MAP3K20: variants seen among roughly 807,000 people sequenced by gnomAD.
The protein encoded by MAP3K20 is mitogen-activated protein kinase kinase kinase 20, also known as HCCS-4.
Under a neutral mutation model 85.7 loss-of-function variants are expected in MAP3K20, and 40 were observed. The ratio of observed to expected loss-of-function variants is 0.47; its 90% CI spans 0.36 to 0.61. MAP3K20 has a LOEUF of 0.61. Ranked by LOEUF, MAP3K20 falls within the 20% of genes least tolerant of loss-of-function variation. The pLI is 0.00. For missense variants in MAP3K20, 817 were observed against 961.7 expected, an observed-to-expected ratio of 0.85 and a Z score of 1.99; for synonymous variants, 325 against 327.7, an observed-to-expected ratio of 0.99 and a Z score of 0.09.
chr2:173,232,102 T>G (rs1355500350), intron 12 of MAP3K20, 90 bp from the exon 13 acceptor site: 5 of 1,472,568 alleles, frequency 3.4e-6, no homozygotes, highest in Non-Finnish European at 4.7e-6. Flanking sequence ...TAAAGTTATT[T>G]TGATCTATTG....
chr2:173,196,172 C>T (rs1476724928), intron 7 of MAP3K20, among the ~76,000 whole-genome samples: 3 of 152,160 alleles, frequency 2.0e-5, no homozygotes, highest in Admixed American at 1.3e-4. Flanking sequence ...TTATTGGAGG[C>T]TAACTCCCTG....
chr2:173,203,959 A>T, intron 9 of MAP3K20, 89 bp downstream of exon 9: 1 of 1,236,500 alleles, frequency 8.1e-7, no homozygotes, highest in Non-Finnish European at 1.2e-6. Context: ...AATAAAATTC[A>T]TTACAAAGCA....
At chr2:173,205,529 A>G (rs944219564) in intron 9 of MAP3K20, among the ~76,000 whole-genome samples, 4 of 152,164 alleles carry the variant, frequency 2.6e-5, no homozygotes, top group Non-Finnish European at 5.9e-5. Flanking sequence ...AATGCAGCCA[A>G]CAAGGCAGCA....
At chr2:173,241,069 G>A (rs1684769162) in intron 16 of MAP3K20, among the ~76,000 whole-genome samples, 1 of 152,190 alleles carries the variant, frequency 6.6e-6, no homozygotes, top group Non-Finnish European at 1.5e-5. Flanking sequence ...GTAGAATGAT[G>A]ATTACCAGAG....
chr2:173,182,884 A>G lies in MAP3K20; in HGVS notation c.278A>G (p.Tyr93Cys). 1 of 1,608,952 alleles carries G rather than the reference A, an allele frequency of 6.2e-7. No individual in the cohort carries two copies. Among genetic ancestry groups the G allele is most frequent in the South Asian group, 1.1e-5 (1 of 89,394 alleles). ...GCTTCTCTGGGATCACTCTATGATT[A>G]CATTAACAGTAACAGAAGTGAGGAG... The part of the protein sequence containing the change: ...EYASLGSLYD[Y>C]INSNRSEEMD... Residue 93 changes from tyrosine to cysteine, a missense_variant, in exon 4 of 20, where the codon TAC (tyrosine) becomes TGC (cysteine). Physicochemically the swap from Tyr to Cys is radical, Grantham distance 194. This residue lies in a region of MAP3K20 where 200 missense variants were observed against 302.7 expected (regional missense o/e 0.66). Coordinates refer to ENST00000375213, the MANE Select transcript of MAP3K20 (RefSeq NM_016653.3).
intron 16 of MAP3K20, among the ~76,000 whole-genome samples, chr2:173,242,705 T>TC (rs1361346255): frequency 7.0e-6 from 1 of 142,530 alleles, no homozygotes; most frequent in Non-Finnish European, 1.5e-5. Flanking sequence ...CTTTCTTTTT[T>TC]TTTTTTTTTT....
chr2:173,208,955 C>T lies in MAP3K20; in HGVS notation c.745-774C>T, dbSNP rs113948131. The stretch of plus-strand genomic sequence containing the variant: ...ATAGTTACTGCCAGCTCAAGAAACA[C>T]ACTTAACCACTGCTCATTTCTAGTG... On this transcript the variant is annotated intron_variant, in intron 9 of 19. Coordinates refer to ENST00000375213, the MANE Select transcript of MAP3K20 (RefSeq NM_016653.3). 6.5e-3 allele frequency among the ~76,000 whole-genome samples: 992 copies of T among 152,350 alleles called. 6 individuals are homozygous for T. Among genetic ancestry groups the T allele is most frequent in the Non-Finnish European group, 8.1e-3 (550 of 68,038 alleles).
intron 5 of MAP3K20, 45 bp from the exon 6 acceptor site, chr2:173,190,846 TCAAA>T (rs541683962): frequency 4.6e-5 from 69 of 1,504,538 alleles, no homozygotes; most frequent in Non-Finnish European, 5.7e-5. Flanking sequence ...AGAAGACAGC[TCAAA>T]CAAATTAGAT....
chr2:173,242,992 A>G (rs1684827213), intron 16 of MAP3K20, among the ~76,000 whole-genome samples: 1 of 152,124 alleles, frequency 6.6e-6, no homozygotes, highest in Non-Finnish European at 1.5e-5. Flanking sequence ...GGCGTGAGCC[A>G]CCGCGCCCAG....
chr2:173,251,063 C>G (rs534957522), intron 16 of MAP3K20, among the ~76,000 whole-genome samples: 248 of 152,256 alleles, frequency 1.6e-3, no homozygotes, highest in African/African-American at 5.7e-3. Flanking sequence ...TATAAAGGAG[C>G]CTTCAGAGGC....
At chr2:173,237,019 CTTTTT>C (rs368196400) in intron 14 of MAP3K20, among the ~76,000 whole-genome samples, 30 of 75,584 alleles carry the variant, frequency 4.0e-4, no homozygotes, top group Admixed American at 1.1e-3. Flanking sequence ...GTATATCCAC[CTTTTT>C]TTTTTTTTTT....
intron 3 of MAP3K20, among the ~76,000 whole-genome samples, chr2:173,172,788 A>ATCTTT (rs1183470129): frequency 1.3e-5 from 2 of 151,758 alleles, no homozygotes; most frequent in South Asian, 4.2e-4. Flanking sequence ...ATAATGGATC[A>ATCTTT]TCTTTTCTTT....
intron 14 of MAP3K20, among the ~76,000 whole-genome samples, chr2:173,235,048 G>T (rs536014414): frequency 6.6e-6 from 1 of 152,348 alleles, no homozygotes; most frequent in South Asian, 2.1e-4. Flanking sequence ...AAAGCACAAT[G>T]AAGTATTGAT....
At chr2:173,215,097 G>T (rs1347046382) in intron 10 of MAP3K20, among the ~76,000 whole-genome samples, 3 of 152,192 alleles carry the variant, frequency 2.0e-5, no homozygotes, top group Non-Finnish European at 4.4e-5. Flanking sequence ...CTCAAAGCTG[G>T]AACTTGAGAT....
intron 7 of MAP3K20, among the ~76,000 whole-genome samples, chr2:173,191,454 C>CT (rs1391535634): frequency 1.3e-5 from 2 of 152,104 alleles, no homozygotes; most frequent in African/African-American, 4.8e-5. Context: ...TCCGCTTTGC[C>CT]TGTGAGAATG....
chr2:173,147,814 T>G (rs1689180935), intron 2 of MAP3K20, among the ~76,000 whole-genome samples: 1 of 152,130 alleles, frequency 6.6e-6, no homozygotes, highest in Non-Finnish European at 1.5e-5. Context: ...CTTGATTTCT[T>G]GATCTCGTGA....
chr2:173,134,415 TATA>T (rs1178723053), intron 2 of MAP3K20, among the ~76,000 whole-genome samples: 29 of 16,418 alleles, frequency 1.8e-3, no homozygotes, highest in African/African-American at 4.3e-3. Flanking sequence ...TATATATATA[TATA>T]TATATATATA....
chr2:173,239,334 G>C, intron 15 of MAP3K20, 70 bp from the exon 16 acceptor site: 1 of 1,230,892 alleles, frequency 8.1e-7, no homozygotes, highest in Non-Finnish European at 1.1e-6. Flanking sequence ...CTAGTGCCAA[G>C]ATATCATCTT....
At chr2:173,118,028 T>C (rs1688173880) in intron 2 of MAP3K20, among the ~76,000 whole-genome samples, 1 of 152,218 alleles carries the variant, frequency 6.6e-6, no homozygotes, top group Non-Finnish European at 1.5e-5. Flanking sequence ...TTCTGTTCTT[T>C]ATACAGTTGT....
Sources: allele counts gnomAD v4.1 joint callset (sites outside exome capture counted in the v4.1 genomes callset), GRCh38; gene constraint gnomAD v4.1.1; regional missense constraint gnomAD v4.1.1; transcripts MANE v1.5; gene names NCBI Gene and HGNC (gene_info 2026-07-23, HGNC 2026-07-21).